SORT1: variants seen among roughly 807,000 people sequenced by gnomAD.
The protein encoded by SORT1 is sortilin 1, also known as sortilin.
Under a neutral mutation model 101.7 loss-of-function variants are expected in SORT1, and 39 were observed. The observed-to-expected ratio is 0.38, with a 90% CI of 0.30 to 0.50. The LOEUF is 0.50. Ranked by LOEUF, SORT1 falls within the 20% of genes least tolerant of loss-of-function variation. SORT1 has a pLI of 0.90. For synonymous variants in SORT1, 396 were observed against 393.7 expected (o/e 1.01, Z -0.07); for missense variants, 878 against 1,040.4 (o/e 0.84, Z 2.15).
chr1:109,367,162 G>A, intron 3 of SORT1: 1 of 328,178 alleles, frequency 3.0e-6, no homozygotes, highest in Non-Finnish European at 5.6e-6. Flanking sequence ...GGGAGGTGGA[G>A]GCTGCAGTGA....
At chr1:109,322,610 C>T (rs1031843172) in intron 15 of SORT1, among the ~76,000 whole-genome samples, 2 of 152,198 alleles carry the variant, frequency 1.3e-5, no homozygotes, top group African/African-American at 4.8e-5. Context: ...CTCACTGCAA[C>T]CTCTGCCTCC....
chr1:109,365,457 T>C (rs543231907), intron 3 of SORT1, among the ~76,000 whole-genome samples: 4 of 152,350 alleles, frequency 2.6e-5, no homozygotes, highest in African/African-American at 7.2e-5. Flanking sequence ...GAAGCAAAGT[T>C]ACACATTTTA....
chr1:109,378,699 GATATATATATATATATATATATATATAT>G (rs58847953), intron 1 of SORT1, among the ~76,000 whole-genome samples: 875 of 35,574 alleles, frequency 0.025, 25 homozygotes, highest in African/African-American at 0.052. Flanking sequence ...TAGAGTGAAT[GATATATATATATATATATATATATATAT>G]ATATATATAT....
chr1:109,385,002 TG>T (rs1652485549), intron 1 of SORT1, among the ~76,000 whole-genome samples: 1 of 152,064 alleles, frequency 6.6e-6, no homozygotes, highest in South Asian at 2.1e-4. Context: ...CCCTTGAACC[TG>T]GGAGGCGGAG....
chr1:109,343,022 C>G (rs1295992623), intron 8 of SORT1, among the ~76,000 whole-genome samples: 1 of 152,102 alleles, frequency 6.6e-6, no homozygotes. Flanking sequence ...TTCAAAAGTA[C>G]ATCGCAAAAT....
intron 1 of SORT1, among the ~76,000 whole-genome samples, chr1:109,371,699 C>G (rs1184421322): frequency 6.6e-6 from 1 of 152,182 alleles, no homozygotes; most frequent in Non-Finnish European, 1.5e-5. Context: ...TCACCGGCAA[C>G]TCTCAGCTTC....
chr1:109,338,171 A>C (rs1231797790), intron 10 of SORT1, among the ~76,000 whole-genome samples: 1 of 152,222 alleles, frequency 6.6e-6, no homozygotes, highest in Non-Finnish European at 1.5e-5. Context: ...TCATTCAAAA[A>C]GTAATACATG....
intron 15 of SORT1, among the ~76,000 whole-genome samples, chr1:109,319,804 T>A (rs866377326): frequency 6.6e-6 from 1 of 151,220 alleles, no homozygotes; most frequent in African/African-American, 2.4e-5. Flanking sequence ...GAGGTGGAGG[T>A]TGCAGTGAGC....
Position 109,340,890 on chromosome 1 carries a change from C to T in SORT1, c.1109-11G>A, listed in dbSNP as rs897034513. On this transcript the variant is annotated splice_polypyrimidine_tract_variant and intron_variant, in intron 9 of 19. Coordinates refer to ENST00000256637, the MANE Select transcript of SORT1 (RefSeq NM_002959.7). ...TGCCAAACCCAGTGTCTGAAATAGGCAAACAAACAAAAATACTAAGTCTTG... is the reference window on the plus strand; with the variant it reads ...TGCCAAACCCAGTGTCTGAAATAGGTAAACAAACAAAAATACTAAGTCTTG... 4.4e-6 allele frequency: 7 copies of T among 1,597,288 alleles called. No individual in the cohort carries two copies. In the Admixed American group the frequency reaches 6.9e-5, roughly 16 times the overall value.
At chr1:109,362,020 G>A (rs189741456) in intron 3 of SORT1, among the ~76,000 whole-genome samples, 3 of 152,262 alleles carry the variant, frequency 2.0e-5, no homozygotes, top group Admixed American at 2.0e-4. Context: ...TCCAAGAGCA[G>A]TGTCAACAAG....
At chr1:109,375,964 G>C (rs1396244881) in intron 1 of SORT1, among the ~76,000 whole-genome samples, 4 of 152,132 alleles carry the variant, frequency 2.6e-5, no homozygotes, top group African/African-American at 9.7e-5. Context: ...AACAGATACT[G>C]GTGAGGCTGT....
chr1:109,370,943 C>G (rs1651449204), intron 1 of SORT1, among the ~76,000 whole-genome samples: 1 of 152,212 alleles, frequency 6.6e-6, no homozygotes, highest in African/African-American at 2.4e-5. Context: ...ACATAGAAAT[C>G]TAAAGAAACA....
intron 5 of SORT1, among the ~76,000 whole-genome samples, chr1:109,353,277 C>T (rs1650082025): frequency 6.9e-6 from 1 of 145,510 alleles, no homozygotes. Context: ...GCAGTGAGAC[C>T]AGATTGAGCC....
In SORT1 at chr1:109,316,871, G is replaced by A. The variant is rs1346427695; in HGVS notation, c.2229C>T (p.Asn743=). The part of the protein sequence containing the change: ...VKDLKKKCTS[N]FLSPEKQNSK... ...ATACCTGTTTTTCCGGACTCAAAAA[G>A]TTGCTTGTGCATTTCTTTTTCAAGT... The change falls in exon 17 of 20, where the codon AAC becomes AAT. Residue 743 remains asparagine, a synonymous_variant. Coordinates refer to ENST00000256637, the MANE Select transcript of SORT1 (RefSeq NM_002959.7). 1 of 1,609,982 alleles carries A rather than the reference G, an allele frequency of 6.2e-7. No homozygotes were observed. The highest frequency in any genetic ancestry group is 8.5e-7 in the Non-Finnish European group (1 of 1,178,076).
At chr1:109,322,822 G>A (rs1647723395) in intron 15 of SORT1, 110 bp downstream of exon 15, 1 of 863,998 alleles carries the variant, frequency 1.2e-6, no homozygotes, top group African/African-American at 1.7e-5. Context: ...TTACAGGTGT[G>A]AGCCACCGCA....
chr1:109,357,208 G>A (rs772571658), intron 3 of SORT1, among the ~76,000 whole-genome samples: 4 of 152,200 alleles, frequency 2.6e-5, no homozygotes, highest in African/African-American at 7.2e-5. Flanking sequence ...ATATAGCTGT[G>A]GTGTGTAGCA....
At chr1:109,342,353 C>T (rs1006610701) in intron 8 of SORT1, among the ~76,000 whole-genome samples, 195 bp from the exon 9 acceptor site, 1 of 152,150 alleles carries the variant, frequency 6.6e-6, no homozygotes, top group Admixed American at 6.6e-5. Flanking sequence ...AGGAACAATC[C>T]ATTCTATTCT....
rs748116565 is a variant in SORT1 at position 109,350,882 on chromosome 1, CAGGA to C, written c.782+43_782+46del. The C allele has an allele frequency of 8.8e-6, 11 of 1,250,566 alleles. No homozygotes were observed. In the African/African-American group the frequency reaches 1.6e-4, roughly 18 times the overall value. The allele number at this position is 1,250,566 out of a possible 1,614,324, so 77.5% of individuals were successfully genotyped here. ...TTCATGTGATTTTTGGCAGCGCTAT[CAGGA>C]AGGGTTTAGGGCTCTGCACAGATGG... On this transcript the variant is annotated intron_variant, in intron 6 of 19. Transcript: ENST00000256637.
intron 13 of SORT1, among the ~76,000 whole-genome samples, chr1:109,326,369 G>A (rs1179320218): frequency 3.6e-5 from 5 of 139,984 alleles, no homozygotes; most frequent in Non-Finnish European, 7.6e-5. Flanking sequence ...TTGTACTTAA[G>A]AAGTCATTTT....
Sources: allele counts gnomAD v4.1 joint callset (sites outside exome capture counted in the v4.1 genomes callset), GRCh38; gene constraint gnomAD v4.1.1; transcripts MANE v1.5; gene names NCBI Gene and HGNC (gene_info 2026-07-23, HGNC 2026-07-21).